TAS2R1: variants seen among roughly 807,000 people sequenced by gnomAD.
TAS2R1 encodes the protein taste receptor type 2 member 1.
For synonymous variants in TAS2R1, 141 were observed against 134.2 expected (o/e 1.05, Z -0.35); for missense variants, 370 against 353.4 (o/e 1.05, Z -0.38).
chr5:9,664,231 C>G (rs1463638303), intron 1 of TAS2R1, among the ~76,000 whole-genome samples: 2 of 152,190 alleles, frequency 1.3e-5, no homozygotes, highest in African/African-American at 4.8e-5. Flanking sequence ...TTAACACTAT[C>G]TAGAATTCAT....
intron 1 of TAS2R1, among the ~76,000 whole-genome samples, chr5:9,690,010 T>C (rs1286917340): frequency 1.3e-5 from 2 of 152,200 alleles, no homozygotes; most frequent in African/African-American, 4.8e-5. Flanking sequence ...TTTGTTAAAA[T>C]AGTTCTTTCC....
chr5:9,818,107 T>C, the TAS2R1 span, among the ~76,000 whole-genome samples: 1 of 152,166 alleles, frequency 6.6e-6, no homozygotes, highest in Admixed American at 6.5e-5. Flanking sequence ...TGTCTCCTCC[T>C]TGCCAAAAAG....
At chr5:9,660,816 G>A (rs1740518217) in intron 1 of TAS2R1, among the ~76,000 whole-genome samples, 1 of 152,218 alleles carries the variant, frequency 6.6e-6, no homozygotes, top group Non-Finnish European at 1.5e-5. Flanking sequence ...AGAGACAGCA[G>A]CATGAGGATT....
chr5:9,723,410 A>G, the TAS2R1 span, among the ~76,000 whole-genome samples: 1 of 152,150 alleles, frequency 6.6e-6, no homozygotes, highest in Admixed American at 6.5e-5. Context: ...GCCCAACAGC[A>G]CATTTTTATA....
At chr5:9,633,686 T>C (rs1387241943), upstream of TAS2R1, among the ~76,000 whole-genome samples, 4 of 152,092 alleles carry the variant, frequency 2.6e-5, no homozygotes, top group Non-Finnish European at 5.9e-5. Context: ...AATTTGTGTT[T>C]CCCTGATAAT....
At chr5:9,662,238 G>A (rs990380854) in intron 1 of TAS2R1, among the ~76,000 whole-genome samples, 8 of 152,146 alleles carry the variant, frequency 5.3e-5, no homozygotes, top group African/African-American at 1.7e-4. Context: ...AGGCACACAC[G>A]GTGGTGGGAA....
the TAS2R1 span, among the ~76,000 whole-genome samples, chr5:9,775,234 T>C: frequency 6.6e-6 from 1 of 152,164 alleles, no homozygotes. Context: ...GTGGTGAATA[T>C]TGCCTGGCTA....
the TAS2R1 span, among the ~76,000 whole-genome samples, chr5:9,857,237 G>A: frequency 6.6e-6 from 1 of 152,226 alleles, no homozygotes; most frequent in African/African-American, 2.4e-5. Context: ...TGACAGTACG[G>A]TTGGAGAATT....
rs143838262 is a variant in TAS2R1, at chr5:9,688,034, T to C, written c.-242+24138A>G. ...ACTTACAGAGGACCAAGGGGAATCC[T>C]TGGACTTTACAGGTATTTCCTTGAT... On this transcript the variant is annotated intron_variant, in intron 1 of 2. Transcript: ENST00000506620. Among the ~76,000 whole-genome samples, 27 of 152,338 alleles carry C rather than the reference T, an allele frequency of 1.8e-4. No homozygotes were observed. In the East Asian group the frequency reaches 5.2e-3, roughly 29 times the overall value.
upstream of TAS2R1, among the ~76,000 whole-genome samples, chr5:9,714,619 T>C (rs1295064078): frequency 6.6e-6 from 1 of 152,226 alleles, no homozygotes; most frequent in Non-Finnish European, 1.5e-5. Flanking sequence ...CTATCTGGAA[T>C]AGGGATTGGC....
chr5:9,708,259 C>A (rs368751610), intron 1 of TAS2R1, among the ~76,000 whole-genome samples: 62 of 152,296 alleles, frequency 4.1e-4, no homozygotes, highest in African/African-American at 1.4e-3. Context: ...AGGCCCTGTT[C>A]GGCCACAGAC....
chr5:9,734,356 A>T, the TAS2R1 span, among the ~76,000 whole-genome samples: 633 of 152,348 alleles, frequency 4.2e-3, 3 homozygotes, highest in African/African-American at 0.014. Flanking sequence ...ATTTTTGTCC[A>T]ATCAATACAG....
At chr5:9,784,966 T>G in the TAS2R1 span, among the ~76,000 whole-genome samples, 1 of 152,166 alleles carries the variant, frequency 6.6e-6, no homozygotes, top group African/African-American at 2.4e-5. Flanking sequence ...CTTCAACATA[T>G]CATTTTTGGG....
chr5:9,858,383 A>G, the TAS2R1 span, among the ~76,000 whole-genome samples: 1 of 152,132 alleles, frequency 6.6e-6, no homozygotes, highest in African/African-American at 2.4e-5. Context: ...CCTTTCCCCA[A>G]GTGAAGGGTA....
chr5:9,673,051 A>G (rs1459980391), intron 1 of TAS2R1, among the ~76,000 whole-genome samples: 1 of 152,166 alleles, frequency 6.6e-6, no homozygotes, highest in Non-Finnish European at 1.5e-5. Context: ...AAAGAAAACC[A>G]CATATTGCAT....
At chr5:9,845,092 G>A in the TAS2R1 span, among the ~76,000 whole-genome samples, 1 of 152,150 alleles carries the variant, frequency 6.6e-6, no homozygotes, top group African/African-American at 2.4e-5. Flanking sequence ...CCAATGTGAT[G>A]GTATTTGGAG....
chr5:9,885,092 G>A, the TAS2R1 span, among the ~76,000 whole-genome samples: 6 of 152,076 alleles, frequency 3.9e-5, no homozygotes, highest in Non-Finnish European at 7.4e-5. Context: ...AAGAAACTAG[G>A]GTACCCAAAG....
the TAS2R1 span, among the ~76,000 whole-genome samples, chr5:9,815,265 T>A: frequency 6.6e-6 from 1 of 152,152 alleles, no homozygotes; most frequent in African/African-American, 2.4e-5. Flanking sequence ...TTCACAGGAC[T>A]GGGGGAAAAT....
chr5:9,762,389 C>T, the TAS2R1 span, among the ~76,000 whole-genome samples: 1,271 of 152,264 alleles, frequency 8.3e-3, 12 homozygotes, highest in Non-Finnish European at 0.011. Flanking sequence ...ATTAAAATTA[C>T]TAAACGTGGT....
Sources: gnomAD v4.1 joint callset for allele counts (sites outside exome capture counted in the v4.1 genomes callset) on GRCh38, gnomAD v4.1.1 for gene constraint, MANE v1.5 for transcripts, NCBI Gene and HGNC (gene_info 2026-07-23, HGNC 2026-07-21) for gene names.